The following FAM217A variants were observed in gnomAD, a reference collection of about 807,000 sequenced individuals.
FAM217A encodes protein FAM217A.
FAM217A carries 13 observed loss-of-function variants against 18.5 expected under a neutral mutation model. The observed-to-expected ratio is 0.70, with a 90% CI of 0.46 to 1.12. The LOEUF (loss-of-function observed/expected upper bound fraction) is 1.12, where lower values mean the gene tolerates loss of function less well. FAM217A is among the 50% of genes most tolerant of loss of function. The pLI, the probability that FAM217A is intolerant of heterozygous loss-of-function variation, is 0.00. For synonymous variants in FAM217A, 161 were observed against 202.8 expected (o/e 0.79, Z 1.75); for missense variants, 560 against 575.4 (o/e 0.97, Z 0.27).
intron 1 of FAM217A, among the ~76,000 whole-genome samples, chr6:4,085,864 G>C (rs896699598): frequency 6.6e-6 from 1 of 152,144 alleles, no homozygotes; most frequent in Non-Finnish European, 1.5e-5. Context: ...AATCACAGCA[G>C]TCTGGGAGGC....
intron 2 of FAM217A, among the ~76,000 whole-genome samples, chr6:4,075,415 C>G (rs1403838670): frequency 6.6e-6 from 1 of 152,066 alleles, no homozygotes; most frequent in East Asian, 1.9e-4. Flanking sequence ...GTCTCTAACC[C>G]TCATATTATA....
chr6:4,072,144 C>T (rs1423867892), intron 6 of FAM217A, among the ~76,000 whole-genome samples: 1 of 151,554 alleles, frequency 6.6e-6, no homozygotes, highest in African/African-American at 2.4e-5. Flanking sequence ...AGTTCAAGAC[C>T]AGCCTGGCCA....
At chr6:4,082,534 T>C (rs561420168), upstream of FAM217A, among the ~76,000 whole-genome samples, 1 of 152,314 alleles carries the variant, frequency 6.6e-6, no homozygotes, top group South Asian at 2.1e-4. Flanking sequence ...ATTTTCCCTT[T>C]GCCTTTCTGT....
At chr6:4,086,108 AAG>A (rs1393228205) in intron 1 of FAM217A, among the ~76,000 whole-genome samples, 2 of 152,096 alleles carry the variant, frequency 1.3e-5, no homozygotes, top group Admixed American at 1.3e-4. Flanking sequence ...CTCAAAAAGA[AAG>A]AAAAAAGGAA....
In FAM217A at chr6:4,068,712, G is replaced by A. The variant is rs749675687; in HGVS notation, c.1511C>T (p.Pro504Leu). Residue 504 changes from proline to leucine, a missense_variant, in exon 7 of 7, where the codon CCC becomes CTC. Physicochemically the swap from Pro to Leu is moderately conservative, Grantham distance 98. Transcript: ENST00000274673. ...AGAAAAGAGTTATTTTTGTTCAATG[G>A]GTGAGCAGCACTTATCCTTAGCAAT... ...SLIAKDKCCS[P>L]IEQK 1.6e-5 allele frequency: 25 copies of A among 1,598,870 alleles called. No individual in the cohort carries two copies. The Admixed American group carries it at 1.9e-4, about 12-fold the overall frequency.
At position 4,084,628 on chromosome 6, in the gene FAM217A, C is replaced by T. The variant is rs933318377; in HGVS notation, c.201G>A (p.Gly67=). 6.8e-5 allele frequency: 48 copies of T among 702,908 alleles called. No individual in the cohort carries two copies. The Admixed American group carries it at 7.8e-4, about 11-fold the overall frequency. The allele number at this position is 702,908 out of a possible 1,614,324, so 43.5% of individuals were successfully genotyped here. Reference sequence around the variant, plus strand: ...TTGAAGTCCCTTTCTGGTCGTCAGACCCCTCCCACCTCATTTGTTGTGAAC... The same window carrying T: ...TTGAAGTCCCTTTCTGGTCGTCAGATCCCTCCCACCTCATTTGTTGTGAAC... Residue 67 remains glycine, a synonymous_variant, in exon 2 of 9, where the codon GGG becomes GGA. Transcript: ENST00000639338.
At chr6:4,078,718 A>G in intron 1 of FAM217A, 134 bp downstream of exon 1, 2 of 399,172 alleles carry the variant, frequency 5.0e-6, no homozygotes, top group African/African-American at 2.1e-5. Flanking sequence ...GCGTGTCTCA[A>G]GGGAGCCGCA....
rs200533688 is a variant in FAM217A, at chr6:4,074,493, A to G, written c.146-37T>C. ...ATAAAAAATGACAATTAATAGTTACATAAAACTGATTATATTCAAAACAAA... is the reference window on the plus strand; with the variant it reads ...ATAAAAAATGACAATTAATAGTTACGTAAAACTGATTATATTCAAAACAAA... On this transcript the variant is annotated intron_variant, in intron 3 of 6. Coordinates refer to ENST00000274673, the MANE Select transcript of FAM217A (RefSeq NM_173563.3). The G allele has an allele frequency of 4.9e-5, 78 of 1,581,200 alleles. No individual in the cohort carries two copies. The East Asian group carries it at 1.7e-3, about 35-fold the overall frequency.
chr6:4,075,181 A>G (rs1037069587), intron 2 of FAM217A, among the ~76,000 whole-genome samples: 3 of 152,076 alleles, frequency 2.0e-5, no homozygotes, highest in African/African-American at 7.2e-5. Flanking sequence ...TAAAAACACA[A>G]AAATCAGCCA....
chr6:4,079,590 G>C (rs1484815481), upstream of FAM217A: 1 of 1,287,252 alleles, frequency 7.8e-7, no homozygotes, highest in Admixed American at 2.3e-5. Flanking sequence ...CCGCGACATG[G>C]CCAGTGGGCC....
upstream of FAM217A, among the ~76,000 whole-genome samples, chr6:4,080,513 G>A (rs1045261751): frequency 6.6e-6 from 1 of 152,224 alleles, no homozygotes; most frequent in African/African-American, 2.4e-5. Context: ...GTAAGTGAAC[G>A]AACAAGATTT....
chr6:4,073,418 A>G lies in FAM217A; in HGVS notation c.234+15T>C. On this transcript the variant is annotated intron_variant, in intron 5 of 6. Coordinates refer to ENST00000274673, the MANE Select transcript of FAM217A (RefSeq NM_173563.3). ...AAAATATAATATTTTAAGGGTATGA[A>G]GAATAAAATCCCACCTGTGTACTTT... The G allele has an allele frequency of 1.2e-6, 2 of 1,608,082 alleles. No homozygotes were observed. Among genetic ancestry groups the G allele is most frequent in the Non-Finnish European group, 1.7e-6 (2 of 1,176,634 alleles).
intron 1 of FAM217A, 129 bp downstream of exon 1, chr6:4,078,723 G>T: frequency 2.5e-6 from 1 of 399,482 alleles, no homozygotes; most frequent in Admixed American, 4.4e-5. Flanking sequence ...TCTCAAGGGA[G>T]CCGCAAGGCC....
In FAM217A at chr6:4,084,507, ACT is replaced by A. The variant is rs1330301017; in HGVS notation, c.251+69_251+70del. The A allele has an allele frequency of 1.2e-5, 8 of 681,080 alleles. No individual in the cohort carries two copies. In the African/African-American group the frequency reaches 1.2e-4, roughly 11 times the overall value. The allele number at this position is 681,080 out of a possible 1,614,324, so 42.2% of individuals were successfully genotyped here. ...GTTTTTCAGATGCCTATACTCTGTA[ACT>A]CTATTTTCCTAGCCTTATATCACAA... On this transcript the variant is annotated intron_variant, in intron 2 of 8. Coordinates refer to the FAM217A transcript ENST00000639338.
At chr6:4,079,141 C>G (rs1032490425), upstream of FAM217A, 1 of 339,236 alleles carries the variant, frequency 2.9e-6, no homozygotes, top group African/African-American at 2.2e-5. Context: ...CCCCACCGGC[C>G]GGGTCTCCCG....
At chr6:4,074,871 G>A (rs1769673037) in intron 2 of FAM217A, among the ~76,000 whole-genome samples, 1 of 152,016 alleles carries the variant, frequency 6.6e-6, no homozygotes, top group African/African-American at 2.4e-5. Flanking sequence ...TATTGTTGAG[G>A]AATCAGGCTT....
intron 1 of FAM217A, among the ~76,000 whole-genome samples, chr6:4,086,066 A>C (rs1770636444): frequency 6.6e-6 from 1 of 151,886 alleles, no homozygotes; most frequent in African/African-American, 2.4e-5. Context: ...AGTGAGCTGC[A>C]CTGCAGCCTG....
rs774320473 is a variant in FAM217A at position 4,069,738 on chromosome 6, C to T, written c.485G>A (p.Arg162Lys). ...ACATGAACTAACATGAATCTCATTT[C>T]TGTTCTTAAAAAAGTCTCCATCAGC... ...PYADGDFFKNRNEIHVSSCST... is the reference protein window; with the variant it reads ...PYADGDFFKNKNEIHVSSCST... The change falls in exon 7 of 7, where the codon AGA becomes AAA. Residue 162 changes from arginine to lysine, a missense_variant. By Grantham distance (26) the Arg-to-Lys change is conservative. Coordinates refer to ENST00000274673, the MANE Select transcript of FAM217A (RefSeq NM_173563.3). 6 of 1,614,040 alleles carry T rather than the reference C, an allele frequency of 3.7e-6. No individual in the cohort carries two copies. The South Asian group carries it at 5.5e-5, about 15-fold the overall frequency.
At chr6:4,083,137 G>A (rs1311131232), upstream of FAM217A, among the ~76,000 whole-genome samples, 1 of 152,168 alleles carries the variant, frequency 6.6e-6, no homozygotes, top group Non-Finnish European at 1.5e-5. Flanking sequence ...TCTATTTCAG[G>A]CATTTAGCAA....
Sources: gnomAD v4.1 joint callset for allele counts (sites outside exome capture counted in the v4.1 genomes callset) on GRCh38, gnomAD v4.1.1 for gene constraint, MANE v1.5 for transcripts, NCBI Gene and HGNC (gene_info 2026-07-23, HGNC 2026-07-21) for gene names.